Variants in TDRP observed in about 807,000 individuals in gnomAD.
TDRP encodes the protein testis development-related protein.
A neutral mutation model predicts 10.5 loss-of-function variants in TDRP; 12 were observed. The observed-to-expected ratio is 1.15, with a 90% CI of 0.73 to 1.86. TDRP has a LOEUF of 1.86. TDRP is among the 40% of genes most tolerant of loss of function. The pLI, the probability that TDRP is intolerant of heterozygous loss-of-function variation, is 0.00. For missense variants in TDRP, 353 were observed against 229.2 expected (o/e 1.54, Z -3.49); for synonymous variants, 139 against 95.4 (o/e 1.46, Z -2.67).
At chr8:533,046 T>A (rs1309284742) in intron 1 of TDRP, among the ~76,000 whole-genome samples, 2 of 152,108 alleles carry the variant, frequency 1.3e-5, no homozygotes, top group African/African-American at 2.4e-5. Context: ...CCAAAATGAG[T>A]ACCAGCGCTG....
At chr8:542,424 C>G (rs866251864) in intron 1 of TDRP, among the ~76,000 whole-genome samples, 7 of 151,918 alleles carry the variant, frequency 4.6e-5, no homozygotes, top group Admixed American at 2.0e-4. Context: ...ACGCACCATT[C>G]TGTGGGGGTG....
At chr8:510,161 G>C (rs531990526) in intron 1 of TDRP, among the ~76,000 whole-genome samples, 53 of 152,248 alleles carry the variant, frequency 3.5e-4, no homozygotes, top group African/African-American at 1.2e-3. Flanking sequence ...TTGTGACTGG[G>C]GTTTAAATAG....
chr8:540,332 G>A (rs774805751), intron 1 of TDRP, among the ~76,000 whole-genome samples: 60 of 152,250 alleles, frequency 3.9e-4, no homozygotes, highest in Middle Eastern at 3.4e-3. Context: ...ATATTATGAA[G>A]GGAACTCAAG....
intron 2 of TDRP, among the ~76,000 whole-genome samples, chr8:493,476 C>A (rs1198111144): frequency 1.3e-5 from 2 of 152,242 alleles, no homozygotes; most frequent in Non-Finnish European, 2.9e-5. Flanking sequence ...CCTCAGTGCA[C>A]AGAAGTGCAG....
chr8:510,799 T>A (rs1476808386), intron 1 of TDRP, among the ~76,000 whole-genome samples: 1 of 152,192 alleles, frequency 6.6e-6, no homozygotes, highest in Non-Finnish European at 1.5e-5. Context: ...GAAAACAAAG[T>A]GCACCGGTAA....
chr8:532,771 G>T (rs1802240453), intron 1 of TDRP, among the ~76,000 whole-genome samples: 1 of 152,124 alleles, frequency 6.6e-6, no homozygotes, highest in African/African-American at 2.4e-5. Flanking sequence ...AGATCCTTTA[G>T]TCTAAACTAA....
intron 1 of TDRP, among the ~76,000 whole-genome samples, chr8:522,581 T>C (rs1463666483): frequency 6.6e-6 from 1 of 152,198 alleles, no homozygotes; most frequent in Non-Finnish European, 1.5e-5. Flanking sequence ...ACTGTCTTTG[T>C]TTCTCGCTTC....
intron 1 of TDRP, among the ~76,000 whole-genome samples, chr8:526,090 T>G (rs1802027417): frequency 6.6e-6 from 1 of 152,238 alleles, no homozygotes; most frequent in Admixed American, 6.5e-5. Flanking sequence ...AATATGCCTT[T>G]ATTGTGCCTT....
chr8:534,382 G>A (rs1802290326), intron 1 of TDRP, among the ~76,000 whole-genome samples: 1 of 152,196 alleles, frequency 6.6e-6, no homozygotes, highest in Non-Finnish European at 1.5e-5. Flanking sequence ...CATCAACAAT[G>A]TGTGACCTTG....
intron 1 of TDRP, among the ~76,000 whole-genome samples, chr8:526,779 C>G (rs756209348): frequency 6.6e-6 from 1 of 152,164 alleles, no homozygotes; most frequent in Non-Finnish European, 1.5e-5. Flanking sequence ...GAAATCCTTT[C>G]CTCTCAGATC....
chr8:497,317 A>C (rs1265726927), intron 1 of TDRP, among the ~76,000 whole-genome samples: 1 of 152,222 alleles, frequency 6.6e-6, no homozygotes, highest in Non-Finnish European at 1.5e-5. Context: ...ACTTATCGGA[A>C]ACTGGAGTAA....
intron 1 of TDRP, among the ~76,000 whole-genome samples, chr8:502,044 G>A (rs1052425563): frequency 1.3e-5 from 2 of 152,178 alleles, no homozygotes; most frequent in Non-Finnish European, 2.9e-5. Flanking sequence ...CAGGCCCCAG[G>A]CCTCTTCTTG....
intron 1 of TDRP, among the ~76,000 whole-genome samples, chr8:503,695 T>TCAGCACACAC: frequency 8.3e-6 from 1 of 120,842 alleles, no homozygotes; most frequent in African/African-American, 3.3e-5. Flanking sequence ...CACGCCCACA[T>TCAGCACACAC]CAGCACACAC....
In TDRP at chr8:498,521, G is replaced by C. The variant is rs568415996; in HGVS notation, c.109-3924C>G. ...AACTAACTTGTTTTTGATTTTACAG[G>C]CTTATAGGCAGAAGGGACTTACCTT... On this transcript the variant is annotated intron_variant, in intron 1 of 2. Coordinates refer to ENST00000324079, the MANE Select transcript of TDRP (RefSeq NM_001384899.1). 1.6e-3 allele frequency among the ~76,000 whole-genome samples: 243 copies of C among 152,230 alleles called. 1 individual carries two copies. The highest frequency in any genetic ancestry group is 5.5e-3 in the African/African-American group (227 of 41,520).
chr8:498,582 G>C (rs1801198980), intron 1 of TDRP, among the ~76,000 whole-genome samples: 1 of 152,190 alleles, frequency 6.6e-6, no homozygotes, highest in African/African-American at 2.4e-5. Context: ...TCTCAGATGA[G>C]ACTTTGGATT....
At chr8:536,373 C>A (rs1802348688) in intron 1 of TDRP, among the ~76,000 whole-genome samples, 1 of 152,204 alleles carries the variant, frequency 6.6e-6, no homozygotes, top group Admixed American at 6.5e-5. Flanking sequence ...TACTGAGGAC[C>A]TGAAATAGGG....
intron 1 of TDRP, among the ~76,000 whole-genome samples, chr8:503,436 C>T (rs1801361980): frequency 6.6e-6 from 1 of 151,546 alleles, no homozygotes; most frequent in Non-Finnish European, 1.5e-5. Flanking sequence ...CGCATTGGAA[C>T]CCGTGCCCAC....
At chr8:525,426 T>A (rs904072220) in intron 1 of TDRP, among the ~76,000 whole-genome samples, 10 of 152,330 alleles carry the variant, frequency 6.6e-5, no homozygotes, top group African/African-American at 2.4e-4. Flanking sequence ...TATAACACTG[T>A]ATTATACTGT....
chr8:496,572 T>A (rs918931575), intron 1 of TDRP, among the ~76,000 whole-genome samples: 4 of 152,194 alleles, frequency 2.6e-5, no homozygotes, highest in African/African-American at 9.6e-5. Context: ...ATGTTCCCCA[T>A]TCCCAGGCCT....
Sources: gnomAD v4.1 joint callset for allele counts (sites outside exome capture counted in the v4.1 genomes callset) on GRCh38, gnomAD v4.1.1 for gene constraint, MANE v1.5 for transcripts, NCBI Gene and HGNC (gene_info 2026-07-23, HGNC 2026-07-21) for gene names.